The following NLGN1 variants were observed in gnomAD, a reference collection of about 807,000 sequenced individuals.
The protein encoded by NLGN1 is neuroligin 1.
Under a neutral mutation model 65.5 loss-of-function variants are expected in NLGN1, and 12 were observed. The observed-to-expected ratio is 0.18, with a 90% confidence interval of 0.12 to 0.30. The LOEUF (loss-of-function observed/expected upper bound fraction) is 0.30, where lower values mean the gene tolerates loss of function less well. Ranked by LOEUF, NLGN1 falls within the 10% of genes least tolerant of loss-of-function variation. The probability of loss-of-function intolerance (pLI) is 1.00; values close to 1 mark genes in which losing one functional copy is unlikely to be tolerated. For synonymous variants in NLGN1, 350 were observed against 359.5 expected (o/e 0.97, Z 0.30); for missense variants, 750 against 1,007.1 (o/e 0.74, Z 3.46).
intron 4 of NLGN1, among the ~76,000 whole-genome samples, chr3:174,259,458 C>T (rs1475502320): frequency 6.6e-6 from 1 of 150,498 alleles, no homozygotes; most frequent in Admixed American, 6.6e-5. Flanking sequence ...TCTCTTTTTT[C>T]GATAGCCTAA....
exon 7 of NLGN1, chr3:174,281,380 A>T: frequency 2.3e-6 from 2 of 863,498 alleles, no homozygotes; most frequent in Admixed American, 5.2e-5. Flanking sequence ...CTTTCAACCT[A>T]CAAGACTTAC....
chr3:173,917,789 A>C (rs931216482), intron 4 of NLGN1, among the ~76,000 whole-genome samples: 19 of 151,990 alleles, frequency 1.3e-4, no homozygotes, highest in East Asian at 3.9e-4. Flanking sequence ...ACACGATGAA[A>C]TATTATCAGC....
At chr3:174,264,032 AG>A (rs1288773934) in intron 4 of NLGN1, among the ~76,000 whole-genome samples, 1 of 150,480 alleles carries the variant, frequency 6.6e-6, no homozygotes, top group Non-Finnish European at 1.5e-5. Context: ...TCTGGCTTGT[AG>A]GGTTTCTGCC....
chr3:173,942,818 G>A (rs1445871895), intron 4 of NLGN1, among the ~76,000 whole-genome samples: 1 of 152,108 alleles, frequency 6.6e-6, no homozygotes, highest in Non-Finnish European at 1.5e-5. Flanking sequence ...ATACAGACCT[G>A]TATGTTAATG....
chr3:174,033,812 A>G (rs1392597636), intron 4 of NLGN1, among the ~76,000 whole-genome samples: 2 of 152,128 alleles, frequency 1.3e-5, no homozygotes, highest in Non-Finnish European at 2.9e-5. Context: ...TTATATGACA[A>G]TTTTTAAAGG....
Position 174,247,144 on chromosome 3 carries a change from C to T in NLGN1, c.647-28171C>T, listed in dbSNP as rs538471657. Among the ~76,000 whole-genome samples, 3 of 152,286 alleles carry T rather than the reference C, an allele frequency of 2.0e-5. No individual in the cohort carries two copies. In the South Asian group the frequency reaches 6.2e-4, roughly 32 times the overall value. On this transcript the variant is annotated intron_variant, in intron 4 of 6. Coordinates refer to ENST00000457714, the Ensembl canonical transcript of NLGN1. ...AGACTGTGCATGCCTCTTCACAATG[C>T]CAATAACATTTTTGAGGTATTATTA...
intron 2 of NLGN1, among the ~76,000 whole-genome samples, chr3:173,469,911 A>G (rs1210668196): frequency 2.0e-5 from 3 of 151,636 alleles, no homozygotes; most frequent in Non-Finnish European, 4.4e-5. Flanking sequence ...TGTTGTAAAC[A>G]TTTACCTCAT....
At chr3:174,205,317 C>A (rs1302900887) in intron 4 of NLGN1, among the ~76,000 whole-genome samples, 1 of 152,004 alleles carries the variant, frequency 6.6e-6, no homozygotes, top group Non-Finnish European at 1.5e-5. Context: ...TATAACATTG[C>A]AATTTTCAAA....
intron 4 of NLGN1, among the ~76,000 whole-genome samples, chr3:173,812,757 G>A (rs989376537): frequency 1.1e-3 from 159 of 143,588 alleles, no homozygotes; most frequent in Middle Eastern, 3.6e-3. Flanking sequence ...ATGTGTGTGC[G>A]TGTATATATA....
chr3:174,082,106 A>G (rs978846411), intron 4 of NLGN1, among the ~76,000 whole-genome samples: 12 of 152,178 alleles, frequency 7.9e-5, no homozygotes, highest in African/African-American at 2.9e-4. Flanking sequence ...GATCTAAGAA[A>G]CTGATTTCAT....
chr3:173,663,127 C>T (rs1042155535), intron 3 of NLGN1, among the ~76,000 whole-genome samples: 15 of 151,932 alleles, frequency 9.9e-5, no homozygotes, highest in African/African-American at 3.6e-4. Flanking sequence ...GGTTCATATC[C>T]TGACTTTATC....
intron 4 of NLGN1, among the ~76,000 whole-genome samples, chr3:173,862,492 C>T (rs1729322074): frequency 1.9e-5 from 2 of 107,326 alleles, no homozygotes; most frequent in Middle Eastern, 0.012. Context: ...GGCGACAGAG[C>T]GAGACTCCGT....
intron 2 of NLGN1, among the ~76,000 whole-genome samples, chr3:173,584,399 ATTTTTTTTTTTTTTTTTTT>A (rs66827074): frequency 1.3e-4 from 4 of 30,798 alleles, no homozygotes; most frequent in Admixed American, 6.8e-4. Flanking sequence ...GGTCCTCGGC[ATTTTTTTTTTTTTTTTTTT>A]TTTTTTTTTT....
rs1364855908 is a variant in NLGN1 at position 174,078,856 on chromosome 3, A to G, written c.647-196459A>G. Among the ~76,000 whole-genome samples the G allele has an allele frequency of 3.9e-5, 6 of 152,150 alleles. 1 individual carries two copies. The highest frequency in any genetic ancestry group is 3.9e-4 in the Admixed American group (6 of 15,260). ...TTTCAGTCATATTTTGCAACTTACT[A>G]CTCTGGGAATATCTTGCATTTACCC... On this transcript the variant is annotated intron_variant, in intron 4 of 6. Transcript: ENST00000457714.
intron 4 of NLGN1, among the ~76,000 whole-genome samples, chr3:174,171,314 T>C (rs1728479436): frequency 6.9e-6 from 1 of 143,990 alleles, no homozygotes; most frequent in South Asian, 2.1e-4. Context: ...TGCCTACATT[T>C]CTCTTCTTTA....
intron 4 of NLGN1, among the ~76,000 whole-genome samples, chr3:173,827,901 G>C (rs1721693565): frequency 6.6e-6 from 1 of 151,920 alleles, no homozygotes; most frequent in Non-Finnish European, 1.5e-5. Flanking sequence ...CAAAGGACTG[G>C]ATGACACCTG....
chr3:174,100,436 C>G (rs996944597), intron 4 of NLGN1, among the ~76,000 whole-genome samples: 8 of 152,152 alleles, frequency 5.3e-5, no homozygotes, highest in Admixed American at 1.3e-4. Flanking sequence ...CATCTTGTCT[C>G]TCTTGGTTTA....
At chr3:173,651,541 G>A (rs895947322) in intron 3 of NLGN1, among the ~76,000 whole-genome samples, 2 of 151,978 alleles carry the variant, frequency 1.3e-5, no homozygotes, top group Admixed American at 6.6e-5. Context: ...TCTTCATACT[G>A]TTTTCCATAG....
intron 1 of NLGN1, among the ~76,000 whole-genome samples, chr3:173,401,704 G>A (rs887823176): frequency 6.6e-6 from 1 of 152,098 alleles, no homozygotes; most frequent in Non-Finnish European, 1.5e-5. Flanking sequence ...AAGAAAAGAA[G>A]GGGAAATGGA....
Sources: gnomAD v4.1 joint callset for allele counts (sites outside exome capture counted in the v4.1 genomes callset) on GRCh38, gnomAD v4.1.1 for gene constraint, MANE v1.5 for transcripts, NCBI Gene and HGNC (gene_info 2026-07-23, HGNC 2026-07-21) for gene names.